JARID2: variants seen among roughly 807,000 people sequenced by gnomAD.
JARID2 encodes protein Jumonji.
Under a neutral mutation model 125.6 loss-of-function variants are expected in JARID2, and 21 were observed. The observed-to-expected ratio is 0.17, with a 90% CI of 0.12 to 0.24. The LOEUF (loss-of-function observed/expected upper bound fraction) is 0.24, where lower values mean the gene tolerates loss of function less well. Among genes scored for constraint, JARID2 ranks in the 10% least tolerant of loss-of-function variants. The pLI is 1.00. For missense variants in JARID2, 1,303 were observed against 1,639.6 expected, an observed-to-expected ratio of 0.79 and a Z score of 3.55; for synonymous variants, 736 against 661.6, an observed-to-expected ratio of 1.11 and a Z score of -1.73.
At chr6:15,362,949 G>C (rs1304095728) in intron 1 of JARID2, among the ~76,000 whole-genome samples, 1 of 152,200 alleles carries the variant, frequency 6.6e-6, no homozygotes, top group African/African-American at 2.4e-5. Context: ...TTCTAGACCA[G>C]AGTAGCCAGG....
intron 1 of JARID2, among the ~76,000 whole-genome samples, chr6:15,272,354 A>G (rs1760331036): frequency 6.7e-6 from 1 of 150,246 alleles, no homozygotes; most frequent in Non-Finnish European, 1.5e-5. Flanking sequence ...TTTAGTAGAC[A>G]AAGAGCAGTG....
At position 15,309,683 on chromosome 6, in the gene JARID2, G is replaced by GTGTA. The variant is rs141883124; in HGVS notation, c.45+63100_45+63101insGTAT. The stretch of plus-strand genomic sequence containing the variant: ...CATATATAAACGTGTGTGTGTGTGT[G>GTGTA]TATATATATATATGTATGCTTTGAC... On this transcript the variant is annotated intron_variant, in intron 1 of 17. Coordinates refer to ENST00000341776, the MANE Select transcript of JARID2 (RefSeq NM_004973.4). Among the ~76,000 whole-genome samples, 18 of 150,886 alleles carry GTGTA rather than the reference G, an allele frequency of 1.2e-4. No individual in the cohort carries two copies. The East Asian group carries it at 2.5e-3, about 21-fold the overall frequency.
At chr6:15,483,828 G>A (rs560118116) in intron 5 of JARID2, among the ~76,000 whole-genome samples, 1 of 152,292 alleles carries the variant, frequency 6.6e-6, no homozygotes, top group East Asian at 1.9e-4. Flanking sequence ...GGAGCTATCT[G>A]AAAAGGAGAA....
chr6:15,518,339 T>C (rs1012092268), intron 17 of JARID2, among the ~76,000 whole-genome samples: 6 of 152,204 alleles, frequency 3.9e-5, no homozygotes, highest in African/African-American at 7.2e-5. Context: ...GACCAGATCC[T>C]GGGAAAAGAA....
At chr6:15,333,093 C>G (rs560515289) in intron 1 of JARID2, among the ~76,000 whole-genome samples, 2 of 151,620 alleles carry the variant, frequency 1.3e-5, no homozygotes, top group Non-Finnish European at 2.9e-5. Context: ...CCACCAGGCC[C>G]GGCTAATTTT....
At chr6:15,266,817 C>G (rs1324652483) in intron 1 of JARID2, among the ~76,000 whole-genome samples, 3 of 152,170 alleles carry the variant, frequency 2.0e-5, no homozygotes, top group Non-Finnish European at 4.4e-5. Context: ...AGTGGCCTGC[C>G]TCCTAGAAAA....
chr6:15,392,742 T>A (rs1765071658), intron 2 of JARID2, among the ~76,000 whole-genome samples: 2 of 149,048 alleles, frequency 1.3e-5, no homozygotes, highest in Admixed American at 1.4e-4. Flanking sequence ...TGGAGTGTAG[T>A]GGTGCGGTCT....
At chr6:15,354,380 CTACT>C (rs769455826) in intron 1 of JARID2, among the ~76,000 whole-genome samples, 2 of 152,194 alleles carry the variant, frequency 1.3e-5, no homozygotes, top group South Asian at 2.1e-4. Flanking sequence ...TGATTTTGGA[CTACT>C]TACTTCCAGA....
At chr6:15,370,360 T>C (rs867344373) in intron 1 of JARID2, among the ~76,000 whole-genome samples, 69 of 145,700 alleles carry the variant, frequency 4.7e-4, no homozygotes, top group African/African-American at 1.6e-3. Flanking sequence ...TTTAAAGACT[T>C]GCTCTGTCAC....
intron 2 of JARID2, among the ~76,000 whole-genome samples, chr6:15,387,925 A>G (rs1326975382): frequency 1.3e-5 from 2 of 152,054 alleles, no homozygotes; most frequent in African/African-American, 4.8e-5. Context: ...CATCTTATCT[A>G]CCTTTTGTGA....
At chr6:15,500,743 C>T (rs542157973) in intron 7 of JARID2, among the ~76,000 whole-genome samples, 164 bp from the exon 8 acceptor site, 5 of 152,252 alleles carry the variant, frequency 3.3e-5, no homozygotes, top group African/African-American at 9.6e-5. Flanking sequence ...TTTGTAACGC[C>T]CTTCTCTCTG....
intron 17 of JARID2, 74 bp downstream of exon 17, chr6:15,517,342 T>C: frequency 9.7e-7 from 1 of 1,034,328 alleles, no homozygotes; most frequent in East Asian, 2.4e-5. Flanking sequence ...ATGTAGGCAC[T>C]CCGGCCTGGC....
rs183916088 is a variant in JARID2, at chr6:15,268,390, A to G, written c.45+21806A>G. On this transcript the variant is annotated intron_variant, in intron 1 of 17. Transcript: ENST00000341776. ...CAGGACTTCATTTAGTCAGAGGGAA[A>G]TGGTTGCTACCTCCCTGTTAAGCTT... Among the ~76,000 whole-genome samples the G allele has an allele frequency of 1.3e-4, 20 of 152,334 alleles. No homozygotes were observed. In the East Asian group the frequency reaches 3.7e-3, roughly 28 times the overall value.
At chr6:15,374,302 G>T (rs13214720) in intron 2 of JARID2, 50 bp downstream of exon 2, 2 of 1,593,088 alleles carry the variant, frequency 1.3e-6, no homozygotes, top group Non-Finnish European at 1.7e-6. Context: ...ATCTCTGGGC[G>T]TGGACTTGTT....
chr6:15,461,239 C>T (rs1768434249), intron 4 of JARID2, among the ~76,000 whole-genome samples: 1 of 152,158 alleles, frequency 6.6e-6, no homozygotes, highest in Non-Finnish European at 1.5e-5. Flanking sequence ...TTTTCAATGA[C>T]AAAGATGCTA....
In JARID2 at chr6:15,496,727, G is replaced by C. The variant is rs1473935768; in HGVS notation, c.1502G>C (p.Arg501Pro). 5 of 1,613,570 alleles carry C rather than the reference G, an allele frequency of 3.1e-6. No homozygotes were observed. Among genetic ancestry groups the C allele is most frequent in the Non-Finnish European group, 4.2e-6 (5 of 1,179,958 alleles). Residue 501 changes from arginine (R) to proline (P), a missense_variant, in exon 7 of 18, where the codon CGG becomes CCG. Around this residue, in one of 11 missense-constraint regions of JARID2, gnomAD observed 651 missense variants for 581.6 expected, o/e 1.12. Transcript: ENST00000341776. ...AGTCTGGAGAGGAATCGGCCGAAGC[G>C]GGCCACGGCCGGGAAGAGCACGCCA... is the stretch of plus-strand genomic sequence containing the variant. Reference protein sequence around the residue: ...ERSLERNRPKRATAGKSTPGR... With the variant: ...ERSLERNRPKPATAGKSTPGR...
At chr6:15,361,597 A>C (rs1763793985) in intron 1 of JARID2, among the ~76,000 whole-genome samples, 1 of 152,306 alleles carries the variant, frequency 6.6e-6, no homozygotes, top group Non-Finnish European at 1.5e-5. Context: ...CTTAAAATGA[A>C]GTTGTATGTA....
intron 2 of JARID2, among the ~76,000 whole-genome samples, chr6:15,394,087 A>G (rs1405877530): frequency 6.6e-6 from 1 of 152,152 alleles, no homozygotes; most frequent in African/African-American, 2.4e-5. Context: ...GAGTGCTGAG[A>G]TCTCATAATT....
intron 1 of JARID2, among the ~76,000 whole-genome samples, chr6:15,258,783 A>G (rs1759764639): frequency 6.6e-6 from 1 of 152,216 alleles, no homozygotes; most frequent in Non-Finnish European, 1.5e-5. Context: ...TCCTGTCTCA[A>G]AACAAAACAA....
Sources: gnomAD v4.1 joint callset for allele counts (sites outside exome capture counted in the v4.1 genomes callset) on GRCh38, gnomAD v4.1.1 for gene constraint, gnomAD v4.1.1 regional missense constraint, MANE v1.5 for transcripts, NCBI Gene and HGNC (gene_info 2026-07-23, HGNC 2026-07-21) for gene names.